The following TRABD2B variants were observed in gnomAD, a reference collection of about 807,000 sequenced individuals.
TRABD2B encodes the protein metalloprotease TIKI2.
A neutral mutation model predicts 40.1 loss-of-function variants in TRABD2B; 14 were observed. That is an observed-to-expected ratio of 0.35 (90% CI 0.23 to 0.55). TRABD2B has a LOEUF of 0.55. TRABD2B is among the 20% of genes least tolerant of loss of function. The pLI is 0.90. For missense variants in TRABD2B, 541 were observed against 648.6 expected, an observed-to-expected ratio of 0.83 and a Z score of 1.80; for synonymous variants, 263 against 277.0, an observed-to-expected ratio of 0.95 and a Z score of 0.50.
intron 2 of TRABD2B, among the ~76,000 whole-genome samples, chr1:47,942,601 A>T (rs991856288): frequency 6.6e-6 from 1 of 152,194 alleles, no homozygotes; most frequent in East Asian, 1.9e-4. Context: ...AATCTCCCAG[A>T]TCCCGAGGCT....
At chr1:47,872,657 T>C (rs1169242340) in intron 2 of TRABD2B, among the ~76,000 whole-genome samples, 1 of 152,166 alleles carries the variant, frequency 6.6e-6, no homozygotes, top group African/African-American at 2.4e-5. Context: ...AGAGAAGGAC[T>C]GAGATGTCTA....
intron 2 of TRABD2B, among the ~76,000 whole-genome samples, chr1:47,974,358 G>C (rs1225894782): frequency 6.6e-6 from 1 of 151,956 alleles, no homozygotes; most frequent in African/African-American, 2.4e-5. Context: ...CCTTCCCCAG[G>C]TGTTCATGGC....
At chr1:47,920,442 G>T (rs1339104799) in intron 2 of TRABD2B, among the ~76,000 whole-genome samples, 1 of 152,210 alleles carries the variant, frequency 6.6e-6, no homozygotes, top group Non-Finnish European at 1.5e-5. Flanking sequence ...CCATCCAAAA[G>T]AGTATTTCCC....
chr1:47,952,800 C>G (rs1645364474), intron 2 of TRABD2B, among the ~76,000 whole-genome samples: 1 of 152,276 alleles, frequency 6.6e-6, no homozygotes, highest in Admixed American at 6.5e-5. Flanking sequence ...ATGAACTATC[C>G]CCAGTCTTAC....
chr1:47,984,797 TC>T (rs751344198), intron 2 of TRABD2B, among the ~76,000 whole-genome samples: 2 of 151,940 alleles, frequency 1.3e-5, no homozygotes, highest in Non-Finnish European at 2.9e-5. Context: ...TCTTCTGTAC[TC>T]CCACAACACA....
intron 3 of TRABD2B, among the ~76,000 whole-genome samples, chr1:47,796,787 C>A (rs986773430): frequency 1.3e-5 from 2 of 152,330 alleles, no homozygotes; most frequent in East Asian, 1.9e-4. Flanking sequence ...TACTTCCCTA[C>A]ATACCCCCTT....
intron 2 of TRABD2B, among the ~76,000 whole-genome samples, chr1:47,935,841 A>G (rs1645099733): frequency 6.6e-6 from 1 of 152,230 alleles, no homozygotes; most frequent in Non-Finnish European, 1.5e-5. Flanking sequence ...TATGTCTTGT[A>G]ATTTAGGATG....
intron 2 of TRABD2B, among the ~76,000 whole-genome samples, chr1:47,953,399 A>C (rs1645374339): frequency 1.3e-5 from 2 of 152,216 alleles, no homozygotes; most frequent in Admixed American, 1.3e-4. Context: ...TCCAAGACAC[A>C]GTTTTGCCCT....
intron 2 of TRABD2B, among the ~76,000 whole-genome samples, chr1:47,830,473 C>T (rs1645234096): frequency 6.6e-6 from 1 of 152,204 alleles, no homozygotes; most frequent in South Asian, 2.1e-4. Flanking sequence ...CTAGTCCCAG[C>T]TCTGCCTCAA....
intron 2 of TRABD2B, among the ~76,000 whole-genome samples, chr1:47,843,733 C>A (rs1645430539): frequency 6.6e-6 from 1 of 151,996 alleles, no homozygotes; most frequent in East Asian, 1.9e-4. Flanking sequence ...GAGGGGTGGC[C>A]CGAAATTCAA....
chr1:47,794,204 C>A (rs889021037), intron 4 of TRABD2B, among the ~76,000 whole-genome samples: 14 of 152,192 alleles, frequency 9.2e-5, no homozygotes, highest in Non-Finnish European at 1.3e-4. Flanking sequence ...GACGCCAGAG[C>A]CAGCCTCTCC....
intron 2 of TRABD2B, among the ~76,000 whole-genome samples, chr1:47,892,319 G>A (rs768722040): frequency 6.6e-6 from 1 of 152,244 alleles, no homozygotes; most frequent in Non-Finnish European, 1.5e-5. Context: ...GAATGGAACT[G>A]CCATGTGCTG....
intron 6 of TRABD2B, among the ~76,000 whole-genome samples, chr1:47,770,642 T>G (rs1014894771): frequency 1.3e-5 from 2 of 152,240 alleles, no homozygotes; most frequent in African/African-American, 4.8e-5. Context: ...GCTCCAGGGC[T>G]CTTCAGTGGC....
At chr1:47,952,562 T>C (rs551903624) in intron 2 of TRABD2B, among the ~76,000 whole-genome samples, 1 of 152,258 alleles carries the variant, frequency 6.6e-6, no homozygotes, top group Non-Finnish European at 1.5e-5. Flanking sequence ...CAGTTCCTAA[T>C]CCTCCAGGAC....
At chr1:47,783,161 CAGG>C (rs1644549304) in intron 4 of TRABD2B, among the ~76,000 whole-genome samples, 1 of 151,516 alleles carries the variant, frequency 6.6e-6, no homozygotes, top group African/African-American at 2.4e-5. Flanking sequence ...AAGAGAGCTT[CAGG>C]AGCAGATGGA....
intron 2 of TRABD2B, among the ~76,000 whole-genome samples, chr1:47,831,831 G>C (rs969670219): frequency 6.6e-6 from 1 of 152,122 alleles, no homozygotes; most frequent in Admixed American, 6.5e-5. Flanking sequence ...CTCTTGCCAG[G>C]CTTCTTCTTC....
chr1:47,782,514 C>T (rs1277875912), intron 4 of TRABD2B, among the ~76,000 whole-genome samples: 2 of 152,190 alleles, frequency 1.3e-5, no homozygotes, highest in Non-Finnish European at 2.9e-5. Context: ...TCAAGTCTGG[C>T]ATGTGGCAGT....
Position 47,982,364 on chromosome 1 carries a change from G to A in TRABD2B, c.666+11670C>T, listed in dbSNP as rs532768952. Among the ~76,000 whole-genome samples the A allele has an allele frequency of 4.6e-5, 7 of 152,280 alleles. No homozygotes were observed. The East Asian group carries it at 1.2e-3, about 25-fold the overall frequency. On this transcript the variant is annotated intron_variant, in intron 2 of 6. Transcript: ENST00000606738. Reference sequence around the variant, plus strand: ...TGTGTGCCAGCCACTCAGCTGTGTGGTTTATATGCATTATCTCATTTATGC... The same window carrying A: ...TGTGTGCCAGCCACTCAGCTGTGTGATTTATATGCATTATCTCATTTATGC...
intron 5 of TRABD2B, among the ~76,000 whole-genome samples, chr1:47,777,330 G>A (rs1442417307): frequency 3.3e-5 from 5 of 152,216 alleles, no homozygotes; most frequent in East Asian, 1.9e-4. Flanking sequence ...AAACTAATGC[G>A]TGCTGGGCCC....
Sources: allele counts gnomAD v4.1 joint callset (sites outside exome capture counted in the v4.1 genomes callset), GRCh38; gene constraint gnomAD v4.1.1; transcripts MANE v1.5; gene names NCBI Gene and HGNC (gene_info 2026-07-23, HGNC 2026-07-21).